The following OR51B5 variants were observed in gnomAD, a reference collection of about 807,000 sequenced individuals.
OR51B5 encodes olfactory receptor 51B5.
For missense variants in OR51B5, 456 were observed against 374.6 expected (o/e 1.22, Z -1.79); for synonymous variants, 186 against 144.8 (o/e 1.28, Z -2.04).
rs764179707 is a variant in OR51B5 at position 5,422,557 on chromosome 11, T to C, written n.85-75647A>G. 6.2e-5 allele frequency: 100 copies of C among 1,614,072 alleles called. 1 individual carries two copies. The highest frequency in any genetic ancestry group is 7.8e-5 in the Non-Finnish European group (92 of 1,180,024). ...TTATGGAGTCTTCTGTCCTCCTGGC[T>C]ATGTCCGTTGACTGCTATGTGGCCA... On this transcript the variant is annotated intron_variant and non_coding_transcript_variant, in intron 1 of 4. Coordinates refer to the OR51B5 transcript ENST00000415970.
rs371301275 is a variant in OR51B5 at position 5,457,799 on chromosome 11, C to A, written n.84+47770G>T. Among the ~76,000 whole-genome samples the A allele has an allele frequency of 1.4e-4, 21 of 152,182 alleles. No homozygotes were observed. The South Asian group carries it at 2.9e-3, about 21-fold the overall frequency. ...AGAAGGATATCTTTATGTCCTTTGCCCATTTTTAATGGAGTTATGTGTTTT... is the reference window on the plus strand; with the variant it reads ...AGAAGGATATCTTTATGTCCTTTGCACATTTTTAATGGAGTTATGTGTTTT... On this transcript the variant is annotated intron_variant and non_coding_transcript_variant, in intron 1 of 4. Transcript: ENST00000415970.
intron 1 of OR51B5, among the ~76,000 whole-genome samples, chr11:5,396,608 C>T (rs915251913): frequency 1.3e-5 from 2 of 151,784 alleles, no homozygotes; most frequent in Non-Finnish European, 2.9e-5. Flanking sequence ...GAAACAATAT[C>T]GTGAAAATGG....
At chr11:5,460,179 A>G (rs1245341629) in intron 1 of OR51B5, among the ~76,000 whole-genome samples, 1 of 152,202 alleles carries the variant, frequency 6.6e-6, no homozygotes, top group African/African-American at 2.4e-5. Context: ...TATAAGTGGG[A>G]GCTAAATGAT....
intron 1 of OR51B5, among the ~76,000 whole-genome samples, chr11:5,349,402 C>T (rs1419699225): frequency 3.1e-4 from 39 of 126,048 alleles, no homozygotes; most frequent in Admixed American, 3.1e-3. Flanking sequence ...ATTCCTACTC[C>T]TGTTTTTTTT....
At chr11:5,401,810 T>C (rs867119713) in intron 1 of OR51B5, among the ~76,000 whole-genome samples, 62 of 150,490 alleles carry the variant, frequency 4.1e-4, no homozygotes, top group South Asian at 1.0e-3. Context: ...ATAATCTTTC[T>C]TTTCTTTCTT....
At chr11:5,384,946 T>C (rs1849663474) in intron 1 of OR51B5, among the ~76,000 whole-genome samples, 1 of 152,238 alleles carries the variant, frequency 6.6e-6, no homozygotes, top group Non-Finnish European at 1.5e-5. Flanking sequence ...TGTGTTTAGG[T>C]GCAGCGTCTT....
intron 1 of OR51B5, among the ~76,000 whole-genome samples, chr11:5,493,093 G>A (rs920280111): frequency 1.3e-5 from 2 of 152,296 alleles, no homozygotes; most frequent in African/African-American, 2.4e-5. Context: ...GATCCTAAGA[G>A]CTAGCTTAGG....
At chr11:5,367,523 G>A (rs1196744301) in intron 1 of OR51B5, among the ~76,000 whole-genome samples, 2 of 152,146 alleles carry the variant, frequency 1.3e-5, no homozygotes, top group African/African-American at 2.4e-5. Flanking sequence ...TAGTGCTGGT[G>A]GGAGAGTAGC....
rs1023207797 is a variant in OR51B5, at chr11:5,381,946, G to A, written n.85-35036C>T. Among the ~76,000 whole-genome samples, 86 of 152,142 alleles carry A rather than the reference G, an allele frequency of 5.7e-4. 1 individual carries two copies. Among genetic ancestry groups the A allele is most frequent in the East Asian group, 1.9e-4 (1 of 5,190 alleles). ...CCACTAAACAGTATTGTTTATCTAC[G>A]TAAAAAGCTGTCAATTACATATCTG... On this transcript the variant is annotated intron_variant and non_coding_transcript_variant, in intron 1 of 4. Coordinates refer to the OR51B5 transcript ENST00000415970.
At chr11:5,381,747 A>G (rs779154497) in intron 1 of OR51B5, among the ~76,000 whole-genome samples, 8 of 152,228 alleles carry the variant, frequency 5.3e-5, no homozygotes, top group Non-Finnish European at 8.8e-5. Context: ...AAGGTCATTT[A>G]GAGCAATAAA....
chr11:5,376,355 A>C (rs1163857324), intron 1 of OR51B5, among the ~76,000 whole-genome samples: 1 of 152,218 alleles, frequency 6.6e-6, no homozygotes, highest in Admixed American at 6.5e-5. Flanking sequence ...CCACAAGAGA[A>C]AGCAAGAAAG....
intron 1 of OR51B5, among the ~76,000 whole-genome samples, chr11:5,354,228 CTTCCCTTGGGCTTTT>C (rs1241377387): frequency 3.3e-5 from 5 of 152,226 alleles, no homozygotes; most frequent in Non-Finnish European, 5.9e-5. Flanking sequence ...CCTGTTCTTT[CTTCCCTTGGGCTTTT>C]GGGAATGAAT....
At chr11:5,370,969 A>G (rs1849439726) in intron 1 of OR51B5, among the ~76,000 whole-genome samples, 1 of 152,216 alleles carries the variant, frequency 6.6e-6, no homozygotes, top group African/African-American at 2.4e-5. Flanking sequence ...CAGAAGGAAG[A>G]GAACCATATG....
At chr11:5,420,131 A>C (rs562312551) in intron 1 of OR51B5, among the ~76,000 whole-genome samples, 1 of 152,058 alleles carries the variant, frequency 6.6e-6, no homozygotes, top group East Asian at 1.9e-4. Flanking sequence ...GTCTATTTTC[A>C]TTAAAAGGTT....
At chr11:5,412,020 A>G (rs1449603692) in intron 1 of OR51B5, among the ~76,000 whole-genome samples, 2 of 152,232 alleles carry the variant, frequency 1.3e-5, no homozygotes, top group Non-Finnish European at 2.9e-5. Context: ...TAAGATTAAA[A>G]AACAAAAAAT....
intron 1 of OR51B5, among the ~76,000 whole-genome samples, chr11:5,387,263 A>G (rs1304020039): frequency 6.6e-6 from 1 of 152,182 alleles, no homozygotes; most frequent in Admixed American, 6.5e-5. Context: ...GCATGGCCAG[A>G]GCACACAACT....
intron 1 of OR51B5, among the ~76,000 whole-genome samples, chr11:5,500,656 A>C (rs369550482): frequency 8.8e-5 from 13 of 148,312 alleles, no homozygotes; most frequent in South Asian, 4.2e-4. Flanking sequence ...AAGTAGCTTT[A>C]CTAAACCACA....
rs771854447 is a variant in OR51B5 at position 5,489,204 on chromosome 11, G to A, written n.84+16365C>T. On this transcript the variant is annotated intron_variant and non_coding_transcript_variant, in intron 1 of 4. Transcript: ENST00000415970. ...TTGTCTCCCCCTTCATCTTCTTGCTGAGGCGACTCCCCTACTGTGGTCACC... is the reference window on the plus strand; with the variant it reads ...TTGTCTCCCCCTTCATCTTCTTGCTAAGGCGACTCCCCTACTGTGGTCACC... 1.9e-6 allele frequency: 3 copies of A among 1,613,686 alleles called. No homozygotes were observed. The East Asian group carries it at 6.7e-5, about 36-fold the overall frequency.
chr11:5,359,884 C>A (rs1363230286), intron 1 of OR51B5, among the ~76,000 whole-genome samples: 1 of 152,100 alleles, frequency 6.6e-6, no homozygotes, highest in African/African-American at 2.4e-5. Context: ...ACAAAAAAAA[C>A]AAATGGGGAA....
Sources: allele counts gnomAD v4.1 joint callset (sites outside exome capture counted in the v4.1 genomes callset), GRCh38; gene constraint gnomAD v4.1.1; transcripts MANE v1.5; gene names NCBI Gene and HGNC (gene_info 2026-07-23, HGNC 2026-07-21).